Variants in DYNC1I1 observed in about 807,000 individuals in gnomAD.
The protein encoded by DYNC1I1 is dynein cytoplasmic 1 intermediate chain 1, also known as cytoplasmic dynein 1 intermediate chain 1.
In DYNC1I1, 43 loss-of-function variants were observed where a neutral mutation model predicts 86.6. That is an observed-to-expected ratio of 0.50 (90% CI 0.39 to 0.64). The LOEUF (loss-of-function observed/expected upper bound fraction) is 0.64, where lower values mean the gene tolerates loss of function less well. DYNC1I1 is among the 30% of genes least tolerant of loss of function. The pLI, the probability that DYNC1I1 is intolerant of heterozygous loss-of-function variation, is 0.00. For missense variants in DYNC1I1, 604 were observed against 788.8 expected (o/e 0.77, Z 2.81); for synonymous variants, 262 against 283.7 (o/e 0.92, Z 0.77).
intron 10 of DYNC1I1, 85 bp downstream of exon 10, chr7:95,996,158 G>A (rs1254874887): frequency 1.3e-6 from 2 of 1,567,520 alleles, no homozygotes; most frequent in Non-Finnish European, 1.7e-6. Flanking sequence ...CTTATGCTGA[G>A]AGGAAGAACT....
chr7:96,043,538 T>TAA (rs57606644), intron 14 of DYNC1I1, among the ~76,000 whole-genome samples: 38,404 of 143,040 alleles, frequency 0.27, 5,282 homozygotes, highest in African/African-American at 0.37. Flanking sequence ...AACAATGTAT[T>TAA]AAAAAAAAAA....
chr7:95,939,430 C>A (rs1259319967), intron 6 of DYNC1I1, among the ~76,000 whole-genome samples: 3 of 152,048 alleles, frequency 2.0e-5, no homozygotes, highest in Admixed American at 6.5e-5. Flanking sequence ...GTGTGGGAGT[C>A]TAAGTCTCTT....
intron 9 of DYNC1I1, among the ~76,000 whole-genome samples, chr7:95,995,495 T>C (rs879314539): frequency 2.0e-5 from 3 of 152,112 alleles, no homozygotes; most frequent in Non-Finnish European, 4.4e-5. Context: ...CCTAGAGATA[T>C]AGATTTGAAA....
chr7:96,059,568 T>C (rs1789701317), intron 14 of DYNC1I1, among the ~76,000 whole-genome samples: 1 of 152,142 alleles, frequency 6.6e-6, no homozygotes, highest in South Asian at 2.1e-4. Flanking sequence ...AAATGAGGAC[T>C]GATTTCATAT....
At chr7:96,104,801 G>A (rs1361003655) in intron 16 of DYNC1I1, among the ~76,000 whole-genome samples, 3 of 151,986 alleles carry the variant, frequency 2.0e-5, no homozygotes, top group Admixed American at 6.6e-5. Flanking sequence ...AAATCAAGTG[G>A]CGTAAGTACT....
chr7:95,992,210 G>A (rs552010500), intron 9 of DYNC1I1, among the ~76,000 whole-genome samples: 33 of 152,094 alleles, frequency 2.2e-4, no homozygotes, highest in Non-Finnish European at 4.3e-4. Context: ...ACTTGTCATG[G>A]TCTGCTTTTT....
intron 6 of DYNC1I1, among the ~76,000 whole-genome samples, chr7:95,875,473 C>T (rs1318294419): frequency 1.3e-5 from 2 of 152,138 alleles, no homozygotes; most frequent in Non-Finnish European, 2.9e-5. Flanking sequence ...AAATAAACAA[C>T]TTTAGTTCAC....
chr7:95,793,621 G>A (rs1039936214), intron 1 of DYNC1I1, among the ~76,000 whole-genome samples: 3 of 152,160 alleles, frequency 2.0e-5, no homozygotes, highest in African/African-American at 7.2e-5. Flanking sequence ...AGCAGATGTT[G>A]GTTGCACACA....
intron 14 of DYNC1I1, among the ~76,000 whole-genome samples, chr7:96,074,368 T>C (rs935700934): frequency 6.6e-6 from 1 of 151,922 alleles, no homozygotes; most frequent in African/African-American, 2.4e-5. Context: ...GCTAACACGG[T>C]GAAACCCCAT....
intron 4 of DYNC1I1, among the ~76,000 whole-genome samples, chr7:95,814,658 G>GT (rs921780462): frequency 5.3e-5 from 8 of 152,028 alleles, no homozygotes; most frequent in Non-Finnish European, 1.2e-4. Context: ...GAGCTGTAGG[G>GT]TTTTTTTGCT....
chr7:95,847,469 C>T (rs755920600), intron 5 of DYNC1I1, among the ~76,000 whole-genome samples: 1 of 152,192 alleles, frequency 6.6e-6, no homozygotes, highest in Non-Finnish European at 1.5e-5. Flanking sequence ...CCACACCTAA[C>T]ATTGGCCCCT....
intron 6 of DYNC1I1, among the ~76,000 whole-genome samples, chr7:95,938,502 C>A (rs1792110548): frequency 6.6e-6 from 1 of 152,110 alleles, no homozygotes; most frequent in South Asian, 2.1e-4. Context: ...GCTTTGGAAT[C>A]TTTTTATTGT....
chr7:95,882,429 C>T (rs754299992), intron 6 of DYNC1I1, among the ~76,000 whole-genome samples: 1 of 152,126 alleles, frequency 6.6e-6, no homozygotes, highest in African/African-American at 2.4e-5. Flanking sequence ...TTCTTAAAGT[C>T]CTGGATAGGA....
intron 16 of DYNC1I1, among the ~76,000 whole-genome samples, chr7:96,106,449 C>T (rs1463301675): frequency 2.0e-5 from 3 of 151,994 alleles, no homozygotes; most frequent in Admixed American, 6.6e-5. Context: ...GCAGGAGAAT[C>T]GCTTCAACTC....
intron 7 of DYNC1I1, among the ~76,000 whole-genome samples, chr7:95,978,514 G>A (rs1008545897): frequency 6.6e-6 from 1 of 152,146 alleles, no homozygotes; most frequent in South Asian, 2.1e-4. Flanking sequence ...AATGAAGAGC[G>A]GGACCTAAGA....
At chr7:95,825,876 T>TTC (rs1795192777) in intron 4 of DYNC1I1, among the ~76,000 whole-genome samples, 1 of 152,222 alleles carries the variant, frequency 6.6e-6, no homozygotes, top group African/African-American at 2.4e-5. Flanking sequence ...AAACATCACC[T>TTC]GGAAACTTGT....
At chr7:96,020,103 A>C (rs1794506598) in intron 10 of DYNC1I1, among the ~76,000 whole-genome samples, 1 of 151,900 alleles carries the variant, frequency 6.6e-6, no homozygotes, top group African/African-American at 2.4e-5. Context: ...AAGCCAAAAA[A>C]AAAAAAAAAG....
intron 5 of DYNC1I1, among the ~76,000 whole-genome samples, chr7:95,839,047 TTGAGACA>T (rs1356928269): frequency 2.0e-5 from 3 of 152,172 alleles, no homozygotes; most frequent in African/African-American, 7.2e-5. Flanking sequence ...TTTTTATTTT[TTGAGACA>T]GAGTCTTGCT....
intron 5 of DYNC1I1, among the ~76,000 whole-genome samples, chr7:95,865,957 A>G (rs1790006858): frequency 6.6e-6 from 1 of 152,174 alleles, no homozygotes; most frequent in Admixed American, 6.5e-5. Flanking sequence ...ATCTGGGTGT[A>G]CAGTGAACAG....
Sources: gnomAD v4.1 joint callset for allele counts (sites outside exome capture counted in the v4.1 genomes callset) on GRCh38, gnomAD v4.1.1 for gene constraint, MANE v1.5 for transcripts, NCBI Gene and HGNC (gene_info 2026-07-23, HGNC 2026-07-21) for gene names.